Variants in KDM5A observed in about 807,000 individuals in gnomAD.
KDM5A encodes the protein lysine-specific demethylase 5A.
Under a neutral mutation model 193.5 loss-of-function variants are expected in KDM5A, and 42 were observed. The ratio of observed to expected loss-of-function variants is 0.22; its 90% CI spans 0.17 to 0.28. The LOEUF is 0.28. KDM5A is among the 10% of genes least tolerant of loss of function. The pLI, the probability that KDM5A is intolerant of heterozygous loss-of-function variation, is 1.00. For missense variants in KDM5A, 1,692 were observed against 2,055.1 expected (o/e 0.82, Z 3.42); for synonymous variants, 796 against 718.1 (o/e 1.11, Z -1.73).
intron 10 of KDM5A, among the ~76,000 whole-genome samples, chr12:340,716 A>AAAAAAAC (rs1943994442): frequency 2.0e-5 from 3 of 150,556 alleles, no homozygotes; most frequent in African/African-American, 7.4e-5. Context: ...AAAAAAAAAA[A>AAAAAAAC]AAACCATTAG....
chr12:379,558 G>T (rs1007271996), intron 3 of KDM5A, among the ~76,000 whole-genome samples: 1 of 152,114 alleles, frequency 6.6e-6, no homozygotes, highest in Non-Finnish European at 1.5e-5. Context: ...AAAAGTTAAC[G>T]TGAGAAGCAG....
chr12:292,698 G>C lies in KDM5A; in HGVS notation c.4866+61C>G. ...CATACTACACATTGATATCAAACAT[G>C]TGTCTCCACAACTGTTGCTCCTTGA... On this transcript the variant is annotated intron_variant, in intron 27 of 27. Transcript: ENST00000399788. 3 of 1,604,618 alleles carry C rather than the reference G, an allele frequency of 1.9e-6. No individual in the cohort carries two copies. In the Admixed American group the frequency reaches 5.0e-5, roughly 27 times the overall value.
intron 1 of KDM5A, among the ~76,000 whole-genome samples, chr12:386,434 T>TC (rs1405375021): frequency 6.6e-6 from 1 of 152,236 alleles, no homozygotes; most frequent in Non-Finnish European, 1.5e-5. Flanking sequence ...TTGTCTGGCA[T>TC]CACCATCATT....
intron 19 of KDM5A, among the ~76,000 whole-genome samples, chr12:313,987 C>A (rs995763736): frequency 6.6e-6 from 1 of 151,956 alleles, no homozygotes; most frequent in African/African-American, 2.4e-5. Flanking sequence ...GGGTTGGAGG[C>A]AGGGGCTGGG....
intron 18 of KDM5A, 121 bp from the exon 19 acceptor site, chr12:318,582 C>G (rs933084701): frequency 2.8e-6 from 2 of 702,240 alleles, no homozygotes; most frequent in Non-Finnish European, 5.0e-6. Context: ...ACCATCATAA[C>G]ACCAAATATT....
chr12:375,291 A>C (rs1462272606), intron 3 of KDM5A, among the ~76,000 whole-genome samples: 2 of 152,038 alleles, frequency 1.3e-5, no homozygotes, highest in Non-Finnish European at 1.5e-5. Context: ...TTTTTTCTCT[A>C]AAGTTCTCTT....
At position 344,242 on chromosome 12, in the gene KDM5A, G is replaced by A. The variant is rs112166652; in HGVS notation, c.1308+6379C>T. Among the ~76,000 whole-genome samples, 648 of 152,268 alleles carry A rather than the reference G, an allele frequency of 4.3e-3. 6 individuals carry two copies. Among genetic ancestry groups the A allele is most frequent in the Non-Finnish European group, 6.5e-3 (444 of 68,012 alleles). ...AAAAGAGTAAGAAGAAACAAACAAA[G>A]CCTCCAATAAATATGGGACTATGTG... On this transcript the variant is annotated intron_variant, in intron 10 of 27. Coordinates refer to ENST00000399788, the MANE Select transcript of KDM5A (RefSeq NM_001042603.3).
In KDM5A at chr12:334,545, T is replaced by G. The variant is rs370366068; in HGVS notation, c.1309-123A>C. ...TTATAATAGTCTAGTGCATACAATC[T>G]GTGCTCTTTGCTATCCACTACATGT... On this transcript the variant is annotated intron_variant, in intron 10 of 27. Coordinates refer to ENST00000399788, the MANE Select transcript of KDM5A (RefSeq NM_001042603.3). 113 of 711,280 alleles carry G rather than the reference T, an allele frequency of 1.6e-4. No individual in the cohort carries two copies. In the African/African-American group the frequency reaches 1.8e-3, roughly 11 times the overall value. The allele number at this position is 711,280 out of a possible 1,614,324, so 44.1% of individuals were successfully genotyped here. A position where few individuals can be genotyped will look rare whatever the true frequency, so the allele number is the denominator to read the frequency against.
rs1206162322 is a variant in KDM5A, at chr12:307,966, C to T, written c.3418G>A (p.Ala1140Thr). ...FKEREQKEIEAMHSLRAANLA... is the reference protein window; with the variant it reads ...FKEREQKEIETMHSLRAANLA... ...TTGGCTGCTCTGAGAGAATGCATGG[C>T]TTCAATCTCTTTTTGCTCCCGTTCT... The change falls in exon 23 of 28, where the codon GCC (alanine) becomes ACC (threonine). Residue 1140 changes from alanine to threonine, a missense_variant. Transcript: ENST00000399788. This position sits in a 1 kb window ranked among gnomAD's most constrained non-coding sequence, Gnocchi z 4.3. 1.2e-6 allele frequency: 2 copies of T among 1,614,034 alleles called. No homozygotes were observed. The highest frequency in any genetic ancestry group is 1.3e-5 in the African/African-American group (1 of 74,910).
chr12:321,031 A>G lies in KDM5A; in HGVS notation c.2505T>C (p.Ser835=), dbSNP rs771596041. ...GAGCTTGGCTGATGACACACGGAAG[A>G]CTAAAAAGTTGTTGGACAAAGGCCT... ...ELKAFVQQLF[S]LPCVISQARQ... Residue 835 remains serine (S), a synonymous_variant, in exon 18 of 28, where the codon AGT becomes AGC. Coordinates refer to ENST00000399788, the MANE Select transcript of KDM5A (RefSeq NM_001042603.3). 6.2e-7 allele frequency: 1 copy of G among 1,614,150 alleles called. No homozygotes were observed. Among genetic ancestry groups the G allele is most frequent in the Non-Finnish European group, 8.5e-7 (1 of 1,179,976 alleles).
chr12:289,915 T>C (rs575726752), intron 27 of KDM5A, among the ~76,000 whole-genome samples: 4 of 147,268 alleles, frequency 2.7e-5, no homozygotes, highest in Admixed American at 2.0e-4. Flanking sequence ...TTCTTTTTTT[T>C]TTTTTTTTTT....
rs1253643084 is a variant in KDM5A at position 309,833 on chromosome 12, T to C, written c.3348A>G (p.Gly1116=). The C allele has an allele frequency of 8.1e-6, 13 of 1,614,140 alleles. No individual in the cohort carries two copies. The highest frequency in any genetic ancestry group is 1.1e-5 in the Non-Finnish European group (13 of 1,180,012). The change falls in exon 22 of 28, where the codon GGA becomes GGG. Residue 1116 remains glycine (G), a synonymous_variant. Transcript: ENST00000399788. ...DLEPLSDLEE[G]LEETRDTAMV... ...TGGCTGTATCTCTGGTTTCCTCCAATCCTTCCTCCAGATCACTCAGAGGCT... is the reference window on the plus strand; with the variant it reads ...TGGCTGTATCTCTGGTTTCCTCCAACCCTTCCTCCAGATCACTCAGAGGCT...
chr12:380,777 A>G (rs1415317726), intron 3 of KDM5A, among the ~76,000 whole-genome samples: 1 of 152,100 alleles, frequency 6.6e-6, no homozygotes, highest in African/African-American at 2.4e-5. Context: ...ATTGCTATTA[A>G]TGATAAAATA....
intron 10 of KDM5A, among the ~76,000 whole-genome samples, chr12:334,795 G>T (rs1413889803): frequency 6.6e-6 from 1 of 152,022 alleles, no homozygotes. Context: ...TTGATAGAAT[G>T]GTGCTAGATA....
Position 297,102 on chromosome 12 carries a change from C to G in KDM5A, c.4173G>C (p.Trp1391Cys). ...GCTCTGCACAAAATGAAGGTGCTGTCCACATGTGGGTCACCACCTCCTCGG... is the reference window on the plus strand; with the variant it reads ...GCTCTGCACAAAATGAAGGTGCTGTGCACATGTGGGTCACCACCTCCTCGG... ...IKSEEVVTHM[W>C]TAPSFCAEHA... The change falls in exon 25 of 28, where the codon TGG (tryptophan) becomes TGC (cysteine). Residue 1391 changes from tryptophan to cysteine, a missense_variant. Coordinates refer to ENST00000399788, the MANE Select transcript of KDM5A (RefSeq NM_001042603.3). The G allele has an allele frequency of 6.2e-7, 1 of 1,614,030 alleles. No individual in the cohort carries two copies. The highest frequency in any genetic ancestry group is 8.5e-7 in the Non-Finnish European group (1 of 1,179,990).
Position 283,794 on chromosome 12 carries a change from A to G in KDM5A, c.*1662T>C. On this transcript the variant is annotated 3_prime_UTR_variant, in exon 28 of 28. Coordinates refer to ENST00000399788, the MANE Select transcript of KDM5A (RefSeq NM_001042603.3). ...TAAAGACACCAGACAGTGATGACAA[A>G]ACACTATTTTTAGTCATTTTTTTTT... The G allele has an allele frequency of 4.3e-6, 1 of 230,234 alleles. No individual in the cohort carries two copies. Among genetic ancestry groups the G allele is most frequent in the African/African-American group, 2.3e-5 (1 of 43,394 alleles). 14.3% of individuals were successfully genotyped at this position (230,234 alleles called of 1,614,324 possible).
intron 8 of KDM5A, among the ~76,000 whole-genome samples, chr12:353,833 A>C (rs936971014): frequency 6.6e-6 from 1 of 151,810 alleles, no homozygotes; most frequent in East Asian, 1.9e-4. Context: ...GAGGCAGGAG[A>C]ATCACTTGAA....
At chr12:377,470 TA>T (rs1287869915) in intron 3 of KDM5A, among the ~76,000 whole-genome samples, 3 of 151,868 alleles carry the variant, frequency 2.0e-5, no homozygotes, top group Non-Finnish European at 4.4e-5. Context: ...GGAATAAAGA[TA>T]AGATCCTAAA....
chr12:379,738 A>C (rs1438975510), intron 3 of KDM5A, among the ~76,000 whole-genome samples: 1 of 152,204 alleles, frequency 6.6e-6, no homozygotes, highest in Non-Finnish European at 1.5e-5. Flanking sequence ...GATTCCAATA[A>C]ACCGTCAGAT....
Sources: gnomAD v4.1 joint callset for allele counts (sites outside exome capture counted in the v4.1 genomes callset) on GRCh38, gnomAD v4.1.1 for gene constraint, Gnocchi (gnomAD v3.1) non-coding constraint, MANE v1.5 for transcripts, NCBI Gene and HGNC (gene_info 2026-07-23, HGNC 2026-07-21) for gene names.